The following ERP44 variants were observed in gnomAD, a reference collection of about 807,000 sequenced individuals.
ERP44 encodes the protein endoplasmic reticulum resident protein 44.
A neutral mutation model predicts 53.4 loss-of-function variants in ERP44; 25 were observed. The ratio of observed to expected loss-of-function variants is 0.47; its 90% CI spans 0.34 to 0.65. ERP44 has a LOEUF of 0.65. Among genes scored for constraint, ERP44 ranks in the 30% least tolerant of loss-of-function variants. The pLI is 0.01. For missense variants in ERP44, 338 were observed against 493.2 expected (o/e 0.69, Z 2.98); for synonymous variants, 145 against 161.2 (o/e 0.90, Z 0.76).
intron 1 of ERP44, 48 bp downstream of exon 1, chr9:100,098,736 G>C (rs1024483228): frequency 6.6e-7 from 1 of 1,519,428 alleles, no homozygotes; most frequent in South Asian, 1.1e-5. Context: ...GGCGAGGGCC[G>C]GAGGCCGTTC....
intron 1 of ERP44, among the ~76,000 whole-genome samples, chr9:100,070,429 C>T (rs1196555948): frequency 2.6e-5 from 4 of 152,182 alleles, no homozygotes; most frequent in Non-Finnish European, 5.9e-5. Flanking sequence ...ATCCATAATT[C>T]CTGCAAAGTC....
intron 4 of ERP44, among the ~76,000 whole-genome samples, chr9:100,039,277 CAT>C (rs1335942614): frequency 5.3e-5 from 8 of 152,108 alleles, no homozygotes; most frequent in Admixed American, 1.3e-4. Context: ...GGACAGACCA[CAT>C]GTTAGGTTAC....
intron 3 of ERP44, among the ~76,000 whole-genome samples, chr9:100,056,104 C>T (rs1227078688): frequency 6.6e-6 from 1 of 152,216 alleles, no homozygotes; most frequent in African/African-American, 2.4e-5. Flanking sequence ...TTTCTTGCAA[C>T]ACACAAAATC....
intron 10 of ERP44, among the ~76,000 whole-genome samples, chr9:99,992,899 A>T (rs1830270542): frequency 6.6e-6 from 1 of 152,208 alleles, no homozygotes; most frequent in African/African-American, 2.4e-5. Context: ...ATCATGAGTG[A>T]ACTCCCATTC....
At chr9:99,995,000 T>C (rs1349428849) in intron 10 of ERP44, among the ~76,000 whole-genome samples, 1 of 152,210 alleles carries the variant, frequency 6.6e-6, no homozygotes, top group East Asian at 1.9e-4. Context: ...TTATTTTGGT[T>C]GTCTTGGATT....
intron 4 of ERP44, among the ~76,000 whole-genome samples, chr9:100,044,243 AC>A (rs1825943997): frequency 6.6e-6 from 1 of 152,192 alleles, no homozygotes; most frequent in Non-Finnish European, 1.5e-5. Context: ...AACAATTACA[AC>A]TGAACACCTA....
intron 1 of ERP44, among the ~76,000 whole-genome samples, chr9:100,079,998 G>C (rs938410840): frequency 4.0e-5 from 6 of 150,172 alleles, no homozygotes; most frequent in Non-Finnish European, 5.9e-5. Context: ...TATATATAAA[G>C]TAAGTGTATT....
intron 10 of ERP44, among the ~76,000 whole-genome samples, chr9:99,987,680 A>C (rs1449481395): frequency 3.3e-5 from 5 of 151,964 alleles, no homozygotes; most frequent in Non-Finnish European, 5.9e-5. Context: ...TTTAAGTCAG[A>C]CTCTTCCATT....
At chr9:100,098,157 G>T (rs989557960) in intron 1 of ERP44, among the ~76,000 whole-genome samples, 1 of 152,166 alleles carries the variant, frequency 6.6e-6, no homozygotes, top group Non-Finnish European at 1.5e-5. Context: ...GCGCAATGAA[G>T]AAGAAATCTG....
chr9:100,097,489 T>C (rs1018422975), intron 1 of ERP44, among the ~76,000 whole-genome samples: 2 of 152,224 alleles, frequency 1.3e-5, no homozygotes, highest in African/African-American at 4.8e-5. Context: ...GAAGGAAAAA[T>C]GTATCACAGT....
chr9:100,095,408 G>C (rs1826615128), intron 1 of ERP44, among the ~76,000 whole-genome samples: 1 of 152,056 alleles, frequency 6.6e-6, no homozygotes, highest in Admixed American at 6.5e-5. Context: ...GGAATAGATG[G>C]ACTTTATATA....
At chr9:100,067,654 C>G (rs1186091399) in intron 1 of ERP44, among the ~76,000 whole-genome samples, 9 of 151,792 alleles carry the variant, frequency 5.9e-5, no homozygotes, top group African/African-American at 2.2e-4. Context: ...GGCCGCCCAT[C>G]GTCTGGGAGT....
In ERP44 at chr9:100,088,387, C is replaced by G. The variant is rs537142386; in HGVS notation, c.57+10397G>C. ...ACATTAGGGGCTTTGCACTGACTAACGGCCCTGCCTGGAAGGCTCTTCTTC... is the reference window on the plus strand; with the variant it reads ...ACATTAGGGGCTTTGCACTGACTAAGGGCCCTGCCTGGAAGGCTCTTCTTC... On this transcript the variant is annotated intron_variant, in intron 1 of 11. Transcript: ENST00000262455. Among the ~76,000 whole-genome samples the G allele has an allele frequency of 2.0e-5, 3 of 152,348 alleles. No individual in the cohort carries two copies. In the South Asian group the frequency reaches 6.2e-4, roughly 32 times the overall value.
At chr9:100,031,593 C>T (rs900658126) in intron 4 of ERP44, among the ~76,000 whole-genome samples, 1 of 152,122 alleles carries the variant, frequency 6.6e-6, no homozygotes, top group African/African-American at 2.4e-5. Context: ...TCTCTGAGCA[C>T]CTTGGAGGTT....
intron 1 of ERP44, among the ~76,000 whole-genome samples, chr9:100,068,616 TG>T (rs1385096966): frequency 9.6e-6 from 1 of 103,676 alleles, no homozygotes; most frequent in African/African-American, 3.8e-5. Context: ...GGGAGGGAGG[TG>T]GGGGGGTCAG....
chr9:100,056,982 A>C (rs1826093611), intron 3 of ERP44, among the ~76,000 whole-genome samples: 2 of 152,178 alleles, frequency 1.3e-5, no homozygotes, highest in Non-Finnish European at 2.9e-5. Flanking sequence ...AAGAAAGATA[A>C]CTCTGGCTTA....
intron 4 of ERP44, among the ~76,000 whole-genome samples, chr9:100,048,653 GTATATACATACCACGAAA>G (rs1826003018): frequency 6.6e-6 from 1 of 152,156 alleles, no homozygotes; most frequent in Non-Finnish European, 1.5e-5. Context: ...ACAAATCGTG[GTATATACATACCACGAAA>G]TATTATTCAG....
At position 100,022,025 on chromosome 9, in the gene ERP44, C is replaced by T; in HGVS notation, c.471+17G>A. The stretch of plus-strand genomic sequence containing the variant: ...ATCAGGGAATGTTTGTTTAATCTAG[C>T]AAAAGTTACAACTTACATCAAGAGT... On this transcript the variant is annotated intron_variant, in intron 5 of 11. Transcript: ENST00000262455. 3.7e-6 allele frequency: 6 copies of T among 1,600,418 alleles called. No homozygotes were observed. The highest frequency in any genetic ancestry group is 5.1e-6 in the Non-Finnish European group (6 of 1,174,178).
At chr9:100,062,422 G>A (rs915115099) in intron 1 of ERP44, among the ~76,000 whole-genome samples, 1 of 152,108 alleles carries the variant, frequency 6.6e-6, no homozygotes, top group African/African-American at 2.4e-5. Context: ...AGATAACTGT[G>A]GAACCCAATA....
Sources: gnomAD v4.1 joint callset for allele counts (sites outside exome capture counted in the v4.1 genomes callset) on GRCh38, gnomAD v4.1.1 for gene constraint, MANE v1.5 for transcripts, NCBI Gene and HGNC (gene_info 2026-07-23, HGNC 2026-07-21) for gene names.